CSF2RB: variants seen among roughly 807,000 people sequenced by gnomAD.
The protein encoded by CSF2RB is colony stimulating factor 2 receptor subunit beta.
Under a neutral mutation model 67.2 loss-of-function variants are expected in CSF2RB, and 22 were observed. The observed-to-expected ratio is 0.33, with a 90% CI of 0.23 to 0.47. The LOEUF (loss-of-function observed/expected upper bound fraction) is 0.47, where lower values mean the gene tolerates loss of function less well. Among genes scored for constraint, CSF2RB ranks in the 20% least tolerant of loss-of-function variants. The pLI is 1.00. For missense variants in CSF2RB, 1,113 were observed against 1,174.5 expected (o/e 0.95, Z 0.76); for synonymous variants, 507 against 482.9 (o/e 1.05, Z -0.65).
intron 4 of CSF2RB, among the ~76,000 whole-genome samples, 157 bp downstream of exon 4, chr22:36,926,334 T>A (rs1941016812): frequency 6.6e-6 from 1 of 152,154 alleles, no homozygotes; most frequent in Admixed American, 6.5e-5. Flanking sequence ...CATGGAGACT[T>A]CAGAGCAGAG....
At chr22:36,935,809 C>T in intron 12 of CSF2RB, 122 bp downstream of exon 12, 2 of 1,017,708 alleles carry the variant, frequency 2.0e-6, no homozygotes, top group Non-Finnish European at 3.0e-6. Context: ...GTGGACTGGG[C>T]TTTGGGAGCT....
At chr22:36,931,943 G>C (rs1378164916) in intron 8 of CSF2RB, among the ~76,000 whole-genome samples, 1 of 152,192 alleles carries the variant, frequency 6.6e-6, no homozygotes, top group Non-Finnish European at 1.5e-5. Flanking sequence ...TGTCAGACAA[G>C]AGAGCCCATC....
chr22:36,924,706 C>T (rs946469538), intron 3 of CSF2RB, among the ~76,000 whole-genome samples: 2 of 152,174 alleles, frequency 1.3e-5, no homozygotes, highest in Non-Finnish European at 2.9e-5. Flanking sequence ...CATGGTTGGG[C>T]CTCCGCCTTC....
intron 1 of CSF2RB, among the ~76,000 whole-genome samples, chr22:36,915,367 G>A (rs1214102652): frequency 6.6e-6 from 1 of 151,910 alleles, no homozygotes; most frequent in Non-Finnish European, 1.5e-5. Flanking sequence ...TTACAGGCTT[G>A]AGCCACTGTG....
intron 1 of CSF2RB, among the ~76,000 whole-genome samples, chr22:36,917,374 T>G (rs1940745019): frequency 6.6e-6 from 1 of 152,188 alleles, no homozygotes; most frequent in Admixed American, 6.5e-5. Context: ...CCCCTAGTTT[T>G]TATCCCTGCC....
chr22:36,938,910 C>T lies in CSF2RB; in HGVS notation c.*408C>T, dbSNP rs995910687. Reference sequence around the variant, plus strand: ...AGCTGAGCCTTATCAGACTGAGATGCGGCTGGTTGTGTTGAGGACTTGTGT... The same window carrying T: ...AGCTGAGCCTTATCAGACTGAGATGTGGCTGGTTGTGTTGAGGACTTGTGT... On this transcript the variant is annotated 3_prime_UTR_variant, in exon 14 of 14. Coordinates refer to ENST00000403662, the MANE Select transcript of CSF2RB (RefSeq NM_000395.3). The T allele has an allele frequency of 2.9e-5, 17 of 581,506 alleles. No individual in the cohort carries two copies. In the East Asian group the frequency reaches 4.2e-4, roughly 14 times the overall value. 36.0% of individuals were successfully genotyped at this position (581,506 alleles called of 1,614,324 possible).
intron 1 of CSF2RB, 50 bp downstream of exon 1, chr22:36,913,727 G>C (rs1940646300): frequency 6.5e-6 from 1 of 152,904 alleles, no homozygotes; most frequent in African/African-American, 2.4e-5. Flanking sequence ...TCAGAGCAGG[G>C]GGGAATGTGG....
chr22:36,934,092 A>G (rs958272105), intron 10 of CSF2RB, 98 bp downstream of exon 10: 6 of 1,500,692 alleles, frequency 4.0e-6, no homozygotes, highest in Middle Eastern at 1.7e-4. Flanking sequence ...CAGGCCTGCA[A>G]CAACTTGTAG....
intron 1 of CSF2RB, among the ~76,000 whole-genome samples, chr22:36,916,597 C>T (rs1024092318): frequency 2.0e-5 from 3 of 152,064 alleles, no homozygotes; most frequent in African/African-American, 7.2e-5. Flanking sequence ...GTGGCTCATG[C>T]CTATAATCCC....
At chr22:36,921,264 G>A (rs1341865486) in intron 1 of CSF2RB, among the ~76,000 whole-genome samples, 1 of 120,274 alleles carries the variant, frequency 8.3e-6, no homozygotes, top group Non-Finnish European at 2.0e-5. Context: ...GTATGTGTGT[G>A]TGCATGTTTG....
Position 36,938,661 on chromosome 22 carries a change from A to G in CSF2RB, c.*159A>G. 1.4e-6 allele frequency: 1 copy of G among 694,602 alleles called. No homozygotes were observed. The highest frequency in any genetic ancestry group is 2.7e-5 in the East Asian group (1 of 36,796). The allele number at this position is 694,602 out of a possible 1,614,324, so 43.0% of individuals were successfully genotyped here. ...CCTTGCTCCGGCCCCCTTGACCTTC[A>G]GCAAATCACTTCTCTCCCTGCGCTC... On this transcript the variant is annotated 3_prime_UTR_variant, in exon 14 of 14. Coordinates refer to ENST00000403662, the MANE Select transcript of CSF2RB (RefSeq NM_000395.3).
At chr22:36,933,764 G>A (rs901538389) in intron 9 of CSF2RB, 68 bp from the exon 10 acceptor site, 8 of 1,542,042 alleles carry the variant, frequency 5.2e-6, no homozygotes, top group African/African-American at 1.4e-5. Flanking sequence ...CGAGGGTCCA[G>A]GTGGGAGGGA....
intron 3 of CSF2RB, chr22:36,923,903 GGCC>G: frequency 5.5e-6 from 4 of 730,450 alleles, no homozygotes; most frequent in Non-Finnish European, 4.0e-6. Flanking sequence ...CGCTCTCCCA[GGCC>G]CCCCCTCCGT....
rs746804439 is a variant in CSF2RB at position 36,938,408 on chromosome 22, A to T, written c.2600A>T (p.Gln867Leu). The T allele has an allele frequency of 3.7e-6, 6 of 1,614,070 alleles. No individual in the cohort carries two copies. The African/African-American group carries it at 8.0e-5, about 22-fold the overall frequency. The change falls in exon 14 of 14, where the codon CAG (glutamine) becomes CTG (leucine). Residue 867 changes from glutamine (Q) to leucine (L), a missense_variant. By Grantham distance (113) the Gln-to-Leu change is moderately radical. Coordinates refer to ENST00000403662, the MANE Select transcript of CSF2RB (RefSeq NM_000395.3). The stretch of plus-strand genomic sequence containing the variant: ...AAGCCCCCAGGCCAGGCTGTGCCCC[A>T]GGTGCCCGTCATTCAGCTCTTCAAA... The part of the protein sequence containing the change: ...VKKPPGQAVP[Q>L]VPVIQLFKAL...
rs1400677537 is a variant in CSF2RB, at chr22:36,937,789, G to A, written c.1981G>A (p.Gly661Arg). 6.3e-7 allele frequency: 1 copy of A among 1,588,568 alleles called. No homozygotes were observed. The highest frequency in any genetic ancestry group is 1.3e-5 in the African/African-American group (1 of 74,690). ...AVEVERRPSQ[G>R]AAGSPSLESG... ...GGAAGTGGAGAGAAGGCCGAGCCAGGGGGCTGCAGGGAGTCCCTCCCTGGA... is the reference window on the plus strand; with the variant it reads ...GGAAGTGGAGAGAAGGCCGAGCCAGAGGGCTGCAGGGAGTCCCTCCCTGGA... The change falls in exon 14 of 14, where the codon GGG (glycine) becomes AGG (arginine). Residue 661 changes from glycine (G) to arginine (R), a missense_variant. Physicochemically the swap from Gly to Arg is moderately radical, Grantham distance 125. Around this residue, in one of 2 missense-constraint regions of CSF2RB, gnomAD observed 554 missense variants for 517.9 expected, o/e 1.07. Coordinates refer to ENST00000403662, the MANE Select transcript of CSF2RB (RefSeq NM_000395.3). This position sits in a 1 kb window ranked among gnomAD's most constrained non-coding sequence, Gnocchi z 4.6.
chr22:36,923,470 G>A (rs921225319), intron 3 of CSF2RB, 103 bp downstream of exon 3: 1 of 1,505,348 alleles, frequency 6.6e-7, no homozygotes, highest in South Asian at 1.2e-5. Context: ...TCAGCCTCGG[G>A]GTGGGAGTGG....
At chr22:36,929,874 C>A (rs1202639591) in intron 6 of CSF2RB, 67 bp downstream of exon 6, 1 of 1,557,668 alleles carries the variant, frequency 6.4e-7, no homozygotes, top group African/African-American at 1.4e-5. Context: ...GCTCCTGGCA[C>A]AGCAGGGTTC....
Position 36,937,314 on chromosome 22 carries a change from G to T in CSF2RB, c.1569-63G>T, listed in dbSNP as rs1361994363. 4.4e-6 allele frequency: 7 copies of T among 1,593,238 alleles called. No individual in the cohort carries two copies. The highest frequency in any genetic ancestry group is 6.0e-6 in the Non-Finnish European group (7 of 1,170,566). On this transcript the variant is annotated intron_variant, in intron 13 of 13. Transcript: ENST00000403662. This position sits in a 1 kb window ranked among gnomAD's most constrained non-coding sequence, Gnocchi z 4.6. ...CCATCTCCACCCCACCAAGACCCTT[G>T]TGCCTGACCCGGATCATCTGCCCAG...
chr22:36,934,949 C>T (rs879575648), intron 10 of CSF2RB, among the ~76,000 whole-genome samples: 5 of 152,116 alleles, frequency 3.3e-5, no homozygotes, highest in Admixed American at 6.5e-5. Flanking sequence ...GGCCTTTGCT[C>T]CTGCTGGTGC....
Sources: allele counts gnomAD v4.1 joint callset (sites outside exome capture counted in the v4.1 genomes callset), GRCh38; gene constraint gnomAD v4.1.1; regional missense constraint gnomAD v4.1.1; non-coding constraint Gnocchi (gnomAD v3.1); transcripts MANE v1.5; gene names NCBI Gene and HGNC (gene_info 2026-07-23, HGNC 2026-07-21).